FBLN1: variants seen among roughly 807,000 people sequenced by gnomAD.
The protein encoded by FBLN1 is fibulin 1.
A neutral mutation model predicts 89.7 loss-of-function variants in FBLN1; 34 were observed. The observed-to-expected ratio is 0.38, with a 90% CI of 0.29 to 0.50. FBLN1 has a LOEUF of 0.50. Ranked by LOEUF, FBLN1 falls within the 20% of genes least tolerant of loss-of-function variation. FBLN1 has a pLI of 0.92. For synonymous variants in FBLN1, 393 were observed against 391.3 expected, an observed-to-expected ratio of 1.00 and a Z score of -0.05; for missense variants, 777 against 988.1, an observed-to-expected ratio of 0.79 and a Z score of 2.86.
At chr22:45,570,444 T>C (rs1379573834) in intron 14 of FBLN1, among the ~76,000 whole-genome samples, 1 of 131,708 alleles carries the variant, frequency 7.6e-6, no homozygotes, top group African/African-American at 2.8e-5. Flanking sequence ...AATGAAGTAA[T>C]AGACCAAAGA....
chr22:45,559,576 C>T (rs2088828129), intron 14 of FBLN1, among the ~76,000 whole-genome samples: 1 of 152,156 alleles, frequency 6.6e-6, no homozygotes, highest in South Asian at 2.1e-4. Context: ...TGCATTCTGG[C>T]ACTGGGAAAA....
Position 45,563,383 on chromosome 22 carries a change from A to C in FBLN1, c.1698-11128A>C. ...AGTGAGCCTCGCGTGCCTTGGTTTT[A>C]TTTGGCATGGTTGGGAGTCTGTGCC... is the stretch of plus-strand genomic sequence containing the variant. On this transcript the variant is annotated intron_variant, in intron 14 of 16. Transcript: ENST00000327858. This position sits in a 1 kb window ranked among gnomAD's most constrained non-coding sequence, Gnocchi z 5.7. 1.3e-6 allele frequency: 2 copies of C among 1,544,104 alleles called. No individual in the cohort carries two copies. The highest frequency in any genetic ancestry group is 2.4e-5 in the East Asian group (1 of 41,732).
In FBLN1 at chr22:45,542,246, G is replaced by A. The variant is rs1296655358; in HGVS notation, c.1158G>A (p.Thr386=). The A allele has an allele frequency of 4.2e-5, 67 of 1,613,970 alleles. No homozygotes were observed. Among genetic ancestry groups the A allele is most frequent in the Non-Finnish European group, 5.3e-5 (62 of 1,180,042 alleles). The change falls in exon 10 of 17, where the codon ACG becomes ACA. Residue 386 remains threonine (T), a synonymous_variant. Coordinates refer to ENST00000327858, the MANE Select transcript of FBLN1 (RefSeq NM_006486.3). ...SPGSFRCECK[T]GYYFDGISRM... ...GCAGTTTCCGCTGCGAATGCAAGAC[G>A]GGTTACTATTTTGACGGCATCAGCA... is the stretch of plus-strand genomic sequence containing the variant.
chr22:45,534,327 A>C (rs2088455286), intron 7 of FBLN1, among the ~76,000 whole-genome samples: 1 of 151,386 alleles, frequency 6.6e-6, no homozygotes, highest in East Asian at 1.9e-4. Flanking sequence ...AAAAGCAAAA[A>C]CAAAAATCCC....
rs748076949 is a variant in FBLN1, at chr22:45,600,476, A to C, written c.*30A>C. 6.2e-7 allele frequency: 1 copy of C among 1,613,822 alleles called. No individual in the cohort carries two copies. Among genetic ancestry groups the C allele is most frequent in the African/African-American group, 1.3e-5 (1 of 75,016 alleles). On this transcript the variant is annotated 3_prime_UTR_variant, in exon 17 of 17. Transcript: ENST00000327858. ...TGGTCTGCCGCACAGCCGCAGGTGC[A>C]CCTCCAGGCCAAATCATTGCTGCCA...
At chr22:45,559,456 C>G (rs1044923411) in intron 14 of FBLN1, among the ~76,000 whole-genome samples, 1 of 152,194 alleles carries the variant, frequency 6.6e-6, no homozygotes, top group Non-Finnish European at 1.5e-5. Flanking sequence ...TAGGTAGAGG[C>G]AGCTCTCATG....
rs1327592017 is a variant in FBLN1, at chr22:45,577,610, G to T, written c.1972+502G>T. On this transcript the variant is annotated intron_variant, in intron 16 of 16. Coordinates refer to ENST00000327858, the MANE Select transcript of FBLN1 (RefSeq NM_006486.3). The surrounding 1 kb of genome is among the most constrained non-coding windows in gnomAD (Gnocchi z 6.6). Reference sequence around the variant, plus strand: ...CGCCATGTGGCCTTGAGCAGTAGTCGTCCCCTCCCTACGCATCAGTTGGTA... The same window carrying T: ...CGCCATGTGGCCTTGAGCAGTAGTCTTCCCCTCCCTACGCATCAGTTGGTA... Among the ~76,000 whole-genome samples the T allele has an allele frequency of 1.3e-5, 2 of 152,196 alleles. No individual in the cohort carries two copies. Among genetic ancestry groups the T allele is most frequent in the South Asian group, 4.1e-4 (2 of 4,830 alleles).
At chr22:45,541,604 C>T (rs538650998) in intron 9 of FBLN1, among the ~76,000 whole-genome samples, 1 of 152,322 alleles carries the variant, frequency 6.6e-6, no homozygotes, top group South Asian at 2.1e-4. Context: ...AGCTCTCGCA[C>T]CCCACCCTGT....
rs1404911339 is a variant in FBLN1, at chr22:45,574,435, C to T, written c.1698-76C>T. On this transcript the variant is annotated intron_variant, in intron 14 of 16. Transcript: ENST00000327858. This position sits in a 1 kb window ranked among gnomAD's most constrained non-coding sequence, Gnocchi z 4.1. ...CCCCTGCCCTGGCCACCTGCTCCTC[C>T]TCCCTAGACCTCGGCCCCTGTGGGA... The T allele has an allele frequency of 2.6e-6, 4 of 1,562,186 alleles. No individual in the cohort carries two copies. Among genetic ancestry groups the T allele is most frequent in the South Asian group, 1.1e-5 (1 of 89,252 alleles).
chr22:45,587,052 C>T (rs2089093235), intron 16 of FBLN1, among the ~76,000 whole-genome samples: 1 of 152,112 alleles, frequency 6.6e-6, no homozygotes, highest in Non-Finnish European at 1.5e-5. Flanking sequence ...GCGGGTACCC[C>T]ACCTCCCAGA....
chr22:45,503,010 C>A lies in FBLN1; in HGVS notation c.25C>A (p.Arg9=). Residue 9 remains arginine (R), a synonymous_variant, in exon 1 of 17, where the codon CGG becomes AGG. Coordinates refer to ENST00000327858, the MANE Select transcript of FBLN1 (RefSeq NM_006486.3). MERAAPSR[R]VPLPLLLLGG... ...CATGGAGCGCGCCGCGCCGTCGCGC[C>A]GGGTCCCGCTTCCGCTGCTGCTGCT... 8.1e-7 allele frequency: 1 copy of A among 1,241,658 alleles called. No homozygotes were observed. The highest frequency in any genetic ancestry group is 3.1e-4 in the Middle Eastern group (1 of 3,210). The allele number at this position is 1,241,658 out of a possible 1,614,324, so 76.9% of individuals were successfully genotyped here.
intron 16 of FBLN1, among the ~76,000 whole-genome samples, chr22:45,585,019 A>G (rs1029629019): frequency 6.6e-6 from 1 of 152,204 alleles, no homozygotes; most frequent in Non-Finnish European, 1.5e-5. Context: ...GCTTTTAAGA[A>G]GCTCCCCACC....
chr22:45,549,493 C>T lies in FBLN1; in HGVS notation c.1573+749C>T, dbSNP rs541974901. 4.6e-5 allele frequency among the ~76,000 whole-genome samples: 7 copies of T among 152,268 alleles called. No individual in the cohort carries two copies. The South Asian group carries it at 6.2e-4, about 14-fold the overall frequency. On this transcript the variant is annotated intron_variant, in intron 13 of 16. Coordinates refer to ENST00000327858, the MANE Select transcript of FBLN1 (RefSeq NM_006486.3). This position sits in a 1 kb window ranked among gnomAD's most constrained non-coding sequence, Gnocchi z 5.7. ...TTTGATGAAAGGCAGGCAGGAGCTG[C>T]GGTGTTTCCTGGGAGGCCCCCTCCG...
rs559163828 is a variant in FBLN1, at chr22:45,556,728, G to C, written c.1697+6113G>C. Among the ~76,000 whole-genome samples the C allele has an allele frequency of 2.3e-4, 35 of 152,274 alleles. No homozygotes were observed. Among genetic ancestry groups the C allele is most frequent in the Admixed American group, 5.9e-4 (9 of 15,294 alleles). On this transcript the variant is annotated intron_variant, in intron 14 of 16. Transcript: ENST00000327858. This position sits in a 1 kb window ranked among gnomAD's most constrained non-coding sequence, Gnocchi z 4.6. ...GCCTGTTGACTTAAAGGTAGGAGGA[G>C]CTTCAAGTGTCCAGGTGGCAATCTT...
intron 6 of FBLN1, among the ~76,000 whole-genome samples, 176 bp downstream of exon 6, chr22:45,533,340 C>T (rs1423379675): frequency 2.0e-5 from 3 of 152,180 alleles, no homozygotes; most frequent in African/African-American, 4.8e-5. Flanking sequence ...AGGCCCCTGC[C>T]GAGACTTCCC....
At chr22:45,596,454 C>T (rs1479500664) in intron 16 of FBLN1, among the ~76,000 whole-genome samples, 1 of 151,944 alleles carries the variant, frequency 6.6e-6, no homozygotes, top group Non-Finnish European at 1.5e-5. Flanking sequence ...ATGCGCAGAC[C>T]CTCTGTGCAT....
chr22:45,598,182 G>A (rs1343584505), intron 16 of FBLN1, among the ~76,000 whole-genome samples: 1 of 152,224 alleles, frequency 6.6e-6, no homozygotes, highest in Non-Finnish European at 1.5e-5. Context: ...GCTCTTCACA[G>A]AGCATCCAAG....
At chr22:45,554,570 T>C (rs1020143668) in intron 14 of FBLN1, among the ~76,000 whole-genome samples, 7 of 151,928 alleles carry the variant, frequency 4.6e-5, no homozygotes, top group African/African-American at 1.7e-4. Flanking sequence ...AAAGAGGAGG[T>C]AAAAGGAGAC....
rs1423023249 is a variant in FBLN1, at chr22:45,563,106, C to T, written c.1698-11405C>T. ...GGCGGCAATGAGGAGGGCTTTTTCA[C>T]CACCCGGAAGGTGAGCCCCCACAGT... On this transcript the variant is annotated intron_variant, in intron 14 of 16. Transcript: ENST00000327858. This position sits in a 1 kb window ranked among gnomAD's most constrained non-coding sequence, Gnocchi z 5.7. 9 of 1,613,248 alleles carry T rather than the reference C, an allele frequency of 5.6e-6. No individual in the cohort carries two copies. The highest frequency in any genetic ancestry group is 1.3e-5 in the African/African-American group (1 of 74,916).
Sources: gnomAD v4.1 joint callset for allele counts (sites outside exome capture counted in the v4.1 genomes callset) on GRCh38, gnomAD v4.1.1 for gene constraint, Gnocchi (gnomAD v3.1) non-coding constraint, MANE v1.5 for transcripts, NCBI Gene and HGNC (gene_info 2026-07-23, HGNC 2026-07-21) for gene names.